Variants in RAI1 observed in about 807,000 individuals in gnomAD.
The protein encoded by RAI1 is retinoic acid-induced protein 1.
RAI1 carries 9 observed loss-of-function variants against 123.8 expected under a neutral mutation model. The ratio of observed to expected loss-of-function variants is 0.07; its 90% CI spans 0.04 to 0.13. The LOEUF (loss-of-function observed/expected upper bound fraction) is 0.13. RAI1 is among the 10% of genes least tolerant of loss of function. RAI1 has a pLI of 1.00. For missense variants in RAI1, 2,256 were observed against 2,545.8 expected (o/e 0.89, Z 2.45); for synonymous variants, 1,231 against 1,127.3 (o/e 1.09, Z -1.84).
intron 1 of RAI1, among the ~76,000 whole-genome samples, chr17:17,688,956 T>C (rs756965370): frequency 2.7e-5 from 4 of 150,170 alleles, no homozygotes; most frequent in Non-Finnish European, 4.4e-5. Flanking sequence ...ACCATTATGA[T>C]TATTATTTTT....
At position 17,795,030 on chromosome 17, in the gene RAI1, C is replaced by G. The variant is rs776938903; in HGVS notation, c.2082C>G (p.Phe694Leu). The change falls in exon 3 of 6, where the codon TTC becomes TTG. Residue 694 changes from phenylalanine to leucine, a missense_variant. Physicochemically the swap from Phe to Leu is conservative, Grantham distance 22 (BLOSUM62 0). Coordinates refer to ENST00000353383, the MANE Select transcript of RAI1 (RefSeq NM_030665.4). The surrounding 1 kb of genome is among the most constrained non-coding windows in gnomAD (Gnocchi z 5.9). Reference sequence around the variant, plus strand: ...TGTTTGAAGACCCTTCCGTGGCCTTCGCTACGCCTGACCCCAAAAAGACAA... The same window carrying G: ...TGTTTGAAGACCCTTCCGTGGCCTTGGCTACGCCTGACCCCAAAAAGACAA... Reference protein sequence around the residue: ...PGLFEDPSVAFATPDPKKTTG... With the variant: ...PGLFEDPSVALATPDPKKTTG... 1 of 1,614,122 alleles carries G rather than the reference C, an allele frequency of 6.2e-7. No individual in the cohort carries two copies. The highest frequency in any genetic ancestry group is 1.3e-5 in the African/African-American group (1 of 75,048).
intron 2 of RAI1, among the ~76,000 whole-genome samples, chr17:17,785,403 CTG>C (rs2031792964): frequency 6.6e-6 from 1 of 152,242 alleles, no homozygotes; most frequent in Non-Finnish European, 1.5e-5. Context: ...GACATCGACT[CTG>C]GGGCCAGTTT....
chr17:17,771,831 C>T (rs185745584), intron 2 of RAI1, among the ~76,000 whole-genome samples: 1 of 152,370 alleles, frequency 6.6e-6, no homozygotes, highest in Non-Finnish European at 1.5e-5. Flanking sequence ...CCACTGACAC[C>T]CAAACAGTGA....
At chr17:17,792,431 G>C (rs2032049230) in intron 2 of RAI1, among the ~76,000 whole-genome samples, 2 of 152,282 alleles carry the variant, frequency 1.3e-5, no homozygotes, top group African/African-American at 4.8e-5. Flanking sequence ...GGTCATGCTT[G>C]AACACGGTCG....
intron 2 of RAI1, among the ~76,000 whole-genome samples, chr17:17,730,180 T>C (rs996411930): frequency 6.6e-6 from 1 of 152,194 alleles, no homozygotes; most frequent in Non-Finnish European, 1.5e-5. Flanking sequence ...AGAACAGTTT[T>C]TGTGATGTTG....
rs1248830868 is a variant in RAI1, at chr17:17,694,840, T to C, written c.-149+13047T>C. 1.7e-4 allele frequency among the ~76,000 whole-genome samples: 25 copies of C among 150,140 alleles called. No individual in the cohort carries two copies. In the East Asian group the frequency reaches 3.0e-3, roughly 18 times the overall value. ...CGCGGGGCCGCGGGGCGGGGCGGGGTGCTGAGGCCCCGCCCCCTGGCGGAT... is the reference window on the plus strand; with the variant it reads ...CGCGGGGCCGCGGGGCGGGGCGGGGCGCTGAGGCCCCGCCCCCTGGCGGAT... On this transcript the variant is annotated intron_variant, in intron 1 of 5. Transcript: ENST00000353383.
At chr17:17,729,416 C>G (rs1916197748) in intron 2 of RAI1, among the ~76,000 whole-genome samples, 1 of 152,214 alleles carries the variant, frequency 6.6e-6, no homozygotes, top group African/African-American at 2.4e-5. Flanking sequence ...TGCTGCCATA[C>G]CTCTGCCCAC....
At chr17:17,689,815 C>T (rs922991616) in intron 1 of RAI1, among the ~76,000 whole-genome samples, 1 of 152,132 alleles carries the variant, frequency 6.6e-6, no homozygotes, top group Non-Finnish European at 1.5e-5. Context: ...AGAGCATGGC[C>T]CTTCCTCCAT....
intron 2 of RAI1, among the ~76,000 whole-genome samples, chr17:17,770,991 G>A (rs1405043743): frequency 6.6e-6 from 1 of 152,158 alleles, no homozygotes; most frequent in Non-Finnish European, 1.5e-5. Flanking sequence ...ATTCCTGGGG[G>A]TGTCTGGGAG....
rs1215168086 is a variant in RAI1, at chr17:17,714,795, G to A, written c.-148-9233G>A. Among the ~76,000 whole-genome samples the A allele has an allele frequency of 2.6e-5, 4 of 152,196 alleles. No homozygotes were observed. The highest frequency in any genetic ancestry group is 4.1e-4 in the South Asian group (2 of 4,824). ...GCTGAGCTCGGGCCATCCACTTGTC[G>A]TGGTGGGTGAAGGGTCTGGTCCGCA... On this transcript the variant is annotated intron_variant, in intron 1 of 5. Transcript: ENST00000353383. The surrounding 1 kb of genome is among the most constrained non-coding windows in gnomAD (Gnocchi z 4.9).
intron 1 of RAI1, among the ~76,000 whole-genome samples, chr17:17,704,442 G>C (rs557400197): frequency 3.0e-4 from 45 of 152,102 alleles, no homozygotes; most frequent in Non-Finnish European, 5.7e-4. Context: ...CCCTCCATGT[G>C]GGGGGCTCTT....
At chr17:17,708,748 A>G (rs1366956689) in intron 1 of RAI1, among the ~76,000 whole-genome samples, 1 of 152,124 alleles carries the variant, frequency 6.6e-6, no homozygotes, top group Non-Finnish European at 1.5e-5. Context: ...GGACAGAGCA[A>G]TGGTCCAGAA....
At position 17,794,310 on chromosome 17, in the gene RAI1, C is replaced by T. The variant is rs939051421; in HGVS notation, c.1362C>T (p.Leu454=). Residue 454 remains leucine, a synonymous_variant, in exon 3 of 6, where the codon CTC becomes CTT. Coordinates refer to ENST00000353383, the MANE Select transcript of RAI1 (RefSeq NM_030665.4). The part of the protein sequence containing the change: ...NISNTVQQLL[L]SKAAVPQKKG... ...CCAACACCGTCCAGCAGCTGCTGCT[C>T]TCCAAGGCTGCTGTGCCGCAGAAGA... The T allele has an allele frequency of 4.3e-6, 7 of 1,613,126 alleles. No homozygotes were observed. The African/African-American group carries it at 9.3e-5, about 22-fold the overall frequency.
At chr17:17,703,564 G>C (rs1915300010) in intron 1 of RAI1, among the ~76,000 whole-genome samples, 1 of 152,162 alleles carries the variant, frequency 6.6e-6, no homozygotes, top group Admixed American at 6.5e-5. Context: ...GGGGCCATTG[G>C]TGGGCAAAAC....
At chr17:17,778,501 C>G in intron 2 of RAI1, 1 of 346,092 alleles carries the variant, frequency 2.9e-6, no homozygotes, top group South Asian at 2.2e-5. Flanking sequence ...GTAAACTGCC[C>G]AAGGTCACCC....
Position 17,805,884 on chromosome 17 carries a change from C to T in RAI1, c.5659+2035C>T, listed in dbSNP as rs141135074. 2.4e-3 allele frequency among the ~76,000 whole-genome samples: 359 copies of T among 152,094 alleles called. 1 individual carries two copies. The highest frequency in any genetic ancestry group is 3.8e-3 in the Non-Finnish European group (258 of 68,028). On this transcript the variant is annotated intron_variant, in intron 4 of 5. Coordinates refer to ENST00000353383, the MANE Select transcript of RAI1 (RefSeq NM_030665.4). ...CTTCCACAGTGATTAACTTAGCGCC[C>T]GCTCCACTCCCAGCCCTGCTACAGA...
intron 2 of RAI1, chr17:17,779,535 C>T (rs989519066): frequency 6.4e-6 from 1 of 155,452 alleles, no homozygotes; most frequent in Non-Finnish European, 1.4e-5. Flanking sequence ...GAATTTTTTT[C>T]AGCACAACAG....
At chr17:17,739,449 G>T (rs1916543699) in intron 2 of RAI1, among the ~76,000 whole-genome samples, 1 of 152,228 alleles carries the variant, frequency 6.6e-6, no homozygotes, top group Non-Finnish European at 1.5e-5. Context: ...AAAGAAGAGG[G>T]CAGAGCAGGG....
intron 1 of RAI1, among the ~76,000 whole-genome samples, chr17:17,723,123 G>A (rs2142927948): frequency 6.6e-6 from 1 of 152,104 alleles, no homozygotes; most frequent in South Asian, 2.1e-4. Flanking sequence ...CTCGCAAACA[G>A]GCCCACATGG....
Sources: allele counts gnomAD v4.1 joint callset (sites outside exome capture counted in the v4.1 genomes callset), GRCh38; gene constraint gnomAD v4.1.1; non-coding constraint Gnocchi (gnomAD v3.1); transcripts MANE v1.5; gene names NCBI Gene and HGNC (gene_info 2026-07-23, HGNC 2026-07-21).